Variants in EFL1 observed in about 807,000 individuals in gnomAD.
EFL1 encodes the protein elongation factor-like GTPase 1.
EFL1 carries 76 observed loss-of-function variants against 126.7 expected under a neutral mutation model. The ratio of observed to expected loss-of-function variants is 0.60; its 90% confidence interval spans 0.50 to 0.73. The LOEUF is 0.73. Among genes scored for constraint, EFL1 ranks in the 30% least tolerant of loss-of-function variants. EFL1 has a pLI of 0.00. For synonymous variants in EFL1, 410 were observed against 448.4 expected (o/e 0.91, Z 1.08); for missense variants, 1,128 against 1,343.2 (o/e 0.84, Z 2.50).
At chr15:82,239,006 G>A (rs1240487218) in intron 6 of EFL1, among the ~76,000 whole-genome samples, 3 of 152,112 alleles carry the variant, frequency 2.0e-5, no homozygotes, top group South Asian at 2.1e-4. Context: ...CTACCTCAGA[G>A]AGAAAATGGA....
chr15:82,151,578 C>T lies in EFL1; in HGVS notation c.2876G>A (p.Gly959Glu). Residue 959 changes from glycine (G) to glutamate (E), a missense_variant, in exon 18 of 20, where the codon GGA becomes GAA. Transcript: ENST00000268206. ...TTCTTTCATGGTGGCAATTAGCTGT[C>T]CTGAGAAAGGTCCATAGCAGTCAGT... ...PLTDCYGPFSGQLIATMKEAC... is the reference protein window; with the variant it reads ...PLTDCYGPFSEQLIATMKEAC... 6.2e-7 allele frequency: 1 copy of T among 1,614,154 alleles called. No individual in the cohort carries two copies. The highest frequency in any genetic ancestry group is 8.5e-7 in the Non-Finnish European group (1 of 1,180,022).
At chr15:82,149,476 A>C (rs1471072781) in intron 18 of EFL1, among the ~76,000 whole-genome samples, 1 of 152,200 alleles carries the variant, frequency 6.6e-6, no homozygotes, top group Non-Finnish European at 1.5e-5. Context: ...ATTTCATTAA[A>C]AGAAGAATGT....
At chr15:82,209,310 GACACAGACACACACACAC>G (rs1372172137) in intron 15 of EFL1, among the ~76,000 whole-genome samples, 2 of 94,840 alleles carry the variant, frequency 2.1e-5, no homozygotes, top group African/African-American at 7.9e-5. Context: ...TTCACACACA[GACACAGACACACACACAC>G]ACACACACAC....
intron 15 of EFL1, among the ~76,000 whole-genome samples, chr15:82,185,169 CTGTGTGTGTGTGTGTGTGTGTGTGTGTG>C (rs71156029): frequency 2.1e-5 from 3 of 139,882 alleles, no homozygotes; most frequent in Admixed American, 2.1e-4. Context: ...TCATGTGTGG[CTGTGTGTGTGTGTGTGTGTGTGTGTGTG>C]TGTGTGTGTG....
rs139465943 is a variant in EFL1, at chr15:82,231,940, T to G, written c.732-969A>C. On this transcript the variant is annotated intron_variant, in intron 7 of 19. Transcript: ENST00000268206. ...AAAAAGATTCAGGCCTCCTCCTGGCTTCCGGTGTTTCAGCACACCCAGAAC... is the reference window on the plus strand; with the variant it reads ...AAAAAGATTCAGGCCTCCTCCTGGCGTCCGGTGTTTCAGCACACCCAGAAC... Among the ~76,000 whole-genome samples the G allele has an allele frequency of 3.9e-4, 60 of 152,286 alleles. 1 individual carries two copies. The East Asian group carries it at 0.011, about 29-fold the overall frequency.
At chr15:82,149,063 T>G (rs1305907106) in intron 18 of EFL1, among the ~76,000 whole-genome samples, 1 of 152,146 alleles carries the variant, frequency 6.6e-6, no homozygotes, top group Non-Finnish European at 1.5e-5. Context: ...TTTGATTTTC[T>G]ACCTGTTGAG....
chr15:82,185,686 C>G (rs1288853450), intron 15 of EFL1, among the ~76,000 whole-genome samples: 1 of 151,942 alleles, frequency 6.6e-6, no homozygotes, highest in Non-Finnish European at 1.5e-5. Flanking sequence ...ATACAAGTGG[C>G]CAACTTACAT....
intron 15 of EFL1, among the ~76,000 whole-genome samples, chr15:82,179,127 G>A (rs745420027): frequency 3.3e-5 from 5 of 152,126 alleles, no homozygotes; most frequent in Non-Finnish European, 5.9e-5. Context: ...CAGGGCAACA[G>A]AGTGAGACCC....
chr15:82,215,160 T>C (rs2074632281), intron 14 of EFL1, among the ~76,000 whole-genome samples: 1 of 152,220 alleles, frequency 6.6e-6, no homozygotes, highest in Non-Finnish European at 1.5e-5. Flanking sequence ...TCACAGTCCC[T>C]TGTTATTTAT....
Position 82,152,204 on chromosome 15 carries a change from C to T in EFL1, c.2250G>A (p.Thr750=), listed in dbSNP as rs371638127. 68 of 1,614,006 alleles carry T rather than the reference C, an allele frequency of 4.2e-5. No homozygotes were observed. The highest frequency in any genetic ancestry group is 5.2e-5 in the Non-Finnish European group (61 of 1,180,038). ...GAAGGGGCATGGCTCGAACACTGAG[C>T]GTGGCAAGTTTATTGGGAGTTGTTA... ...ITITTPNKLA[T]LSVRAMPLPE... The change falls in exon 18 of 20, where the codon ACG becomes ACA. Residue 750 remains threonine (T), a synonymous_variant. Coordinates refer to ENST00000268206, the MANE Select transcript of EFL1 (RefSeq NM_024580.6).
rs995171289 is a variant in EFL1, at chr15:82,214,797, T to C, written c.1670A>G (p.Tyr557Cys). The change falls in exon 15 of 20, where the codon TAC (tyrosine) becomes TGC (cysteine). Residue 557 changes from tyrosine (Y) to cysteine (C), a missense_variant. By Grantham distance (194) the Tyr-to-Cys change is radical (BLOSUM62 -2). Transcript: ENST00000268206. ...DGLPQVPHMAYCALENLYLLM... is the reference protein window; with the variant it reads ...DGLPQVPHMACCALENLYLLM... Reference sequence around the variant, plus strand: ...AAGATACAGGTTTTCCAGAGCACAGTATGCCATGTGGGGGACTTGGGGGAG... The same window carrying C: ...AAGATACAGGTTTTCCAGAGCACAGCATGCCATGTGGGGGACTTGGGGGAG... The C allele has an allele frequency of 1.3e-6, 2 of 1,596,072 alleles. No homozygotes were observed. Among genetic ancestry groups the C allele is most frequent in the East Asian group, 4.5e-5 (2 of 44,740 alleles).
intron 17 of EFL1, among the ~76,000 whole-genome samples, chr15:82,152,975 G>A (rs1313292266): frequency 6.6e-6 from 1 of 152,164 alleles, no homozygotes; most frequent in African/African-American, 2.4e-5. Flanking sequence ...TGGTGGAAAT[G>A]TTCTATATGT....
chr15:82,239,714 A>T (rs2074911679), intron 6 of EFL1, among the ~76,000 whole-genome samples: 1 of 152,166 alleles, frequency 6.6e-6, no homozygotes, highest in Non-Finnish European at 1.5e-5. Context: ...GAAACACTGT[A>T]CTGTGCTTTT....
intron 18 of EFL1, 140 bp downstream of exon 18, chr15:82,151,325 T>G (rs1595943751): frequency 1.3e-6 from 1 of 756,024 alleles, no homozygotes; most frequent in East Asian, 2.5e-5. Flanking sequence ...TAGGCAGAGG[T>G]TGCAGTGAGC....
At position 82,192,342 on chromosome 15, in the gene EFL1, G is replaced by A. The variant is rs138982170; in HGVS notation, c.1750+22375C>T. ...TTGAACCCGGGAGGCAGAGGTTGCA[G>A]TGAGCCGAGATCGCCCCACTTGCAC... On this transcript the variant is annotated intron_variant, in intron 15 of 19. Coordinates refer to ENST00000268206, the MANE Select transcript of EFL1 (RefSeq NM_024580.6). Among the ~76,000 whole-genome samples the A allele has an allele frequency of 6.9e-3, 1,036 of 151,148 alleles. 14 individuals carry two copies. Among genetic ancestry groups the A allele is most frequent in the African/African-American group, 0.024 (992 of 40,984 alleles).
At chr15:82,154,425 T>TA (rs1382980862) in intron 17 of EFL1, among the ~76,000 whole-genome samples, 1 of 152,208 alleles carries the variant, frequency 6.6e-6, no homozygotes, top group Non-Finnish European at 1.5e-5. Flanking sequence ...AAAGATTATA[T>TA]ACTACCAAAA....
At chr15:82,148,493 T>A (rs562302863) in intron 18 of EFL1, among the ~76,000 whole-genome samples, 1 of 152,150 alleles carries the variant, frequency 6.6e-6, no homozygotes, top group African/African-American at 2.4e-5. Context: ...CTACAACTTA[T>A]AGAAACTAGT....
At chr15:82,188,261 C>T (rs2074322246) in intron 15 of EFL1, among the ~76,000 whole-genome samples, 1 of 152,028 alleles carries the variant, frequency 6.6e-6, no homozygotes, top group Admixed American at 6.6e-5. Context: ...CCAATATAAG[C>T]GTCATTGTCT....
chr15:82,212,168 T>C (rs1567065085), intron 15 of EFL1, among the ~76,000 whole-genome samples: 13 of 152,244 alleles, frequency 8.5e-5, no homozygotes, highest in South Asian at 2.1e-4. Context: ...AATACAATTT[T>C]GTTAGTATTT....
Sources: allele counts gnomAD v4.1 joint callset (sites outside exome capture counted in the v4.1 genomes callset), GRCh38; gene constraint gnomAD v4.1.1; transcripts MANE v1.5; gene names NCBI Gene and HGNC (gene_info 2026-07-23, HGNC 2026-07-21).